Variants in FHAD1 observed in about 807,000 individuals in gnomAD.
The protein encoded by FHAD1 is forkhead-associated domain-containing protein 1.
In FHAD1, 146 loss-of-function variants were observed where a neutral mutation model predicts 191.3. The ratio of observed to expected loss-of-function variants is 0.76; its 90% CI spans 0.67 to 0.88. FHAD1 has a LOEUF of 0.88. FHAD1 is among the 40% of genes least tolerant of loss of function. The probability of loss-of-function intolerance (pLI) is 0.00; values close to 1 mark genes in which losing one functional copy is unlikely to be tolerated. For missense variants in FHAD1, 1,635 were observed against 1,785.8 expected (o/e 0.92, Z 1.52); for synonymous variants, 616 against 672.3 (o/e 0.92, Z 1.29).
chr1:15,381,975 G>C lies in FHAD1; in HGVS notation c.4023-53G>C. 1 of 1,537,364 alleles carries C rather than the reference G, an allele frequency of 6.5e-7. No homozygotes were observed. Among genetic ancestry groups the C allele is most frequent in the South Asian group, 1.2e-5 (1 of 82,816 alleles). The stretch of plus-strand genomic sequence containing the variant: ...AGACTTCCGGGTCTGGCACATTGAT[G>C]ATGATTGGGAAAGATAAGGGAAAAA... On this transcript the variant is annotated intron_variant, in intron 30 of 33. Transcript: ENST00000688493. The surrounding 1 kb of genome is among the most constrained non-coding windows in gnomAD (Gnocchi z 4.6).
chr1:15,367,331 A>G, intron 24 of FHAD1, 132 bp from the exon 25 acceptor site: 1 of 1,018,036 alleles, frequency 9.8e-7, no homozygotes, highest in Non-Finnish European at 1.4e-6. Flanking sequence ...CCCTGTCTCT[A>G]CTAAAAATAC....
chr1:15,356,986 T>C (rs953162099), intron 20 of FHAD1, among the ~76,000 whole-genome samples: 2 of 152,174 alleles, frequency 1.3e-5, no homozygotes, highest in African/African-American at 4.8e-5. Context: ...TTTCTTTTCT[T>C]CTCCCCTGGG....
intron 31 of FHAD1, 111 bp from the exon 32 acceptor site, chr1:15,387,940 C>A: frequency 2.2e-6 from 1 of 446,146 alleles, no homozygotes; most frequent in South Asian, 1.7e-5. Context: ...GCCCACCTAT[C>A]TCAGTGAGTC....
chr1:15,366,645 C>T (rs1357926874), intron 24 of FHAD1, among the ~76,000 whole-genome samples: 1 of 152,228 alleles, frequency 6.6e-6, no homozygotes, highest in Non-Finnish European at 1.5e-5. Context: ...GGGGGCCTCT[C>T]CAGGCCTTCT....
intron 2 of FHAD1, among the ~76,000 whole-genome samples, chr1:15,259,645 T>C (rs1650048741): frequency 6.6e-6 from 1 of 152,226 alleles, no homozygotes; most frequent in Non-Finnish European, 1.5e-5. Flanking sequence ...CCTGTGATCC[T>C]CATCGATGCA....
At chr1:15,328,484 C>G in intron 13 of FHAD1, 55 bp downstream of exon 13, 1 of 1,323,472 alleles carries the variant, frequency 7.6e-7, no homozygotes, top group Non-Finnish European at 9.8e-7. Flanking sequence ...TTTTGTGCGG[C>G]TTATTTGGGA....
At chr1:15,360,030 T>G (rs1461059254) in intron 21 of FHAD1, among the ~76,000 whole-genome samples, 21 of 151,900 alleles carry the variant, frequency 1.4e-4, no homozygotes, top group Non-Finnish European at 2.2e-4. Flanking sequence ...GGAGAATCGC[T>G]TGAACCCAGG....
chr1:15,243,550 T>C (rs1645649833), upstream of FHAD1, among the ~76,000 whole-genome samples: 1 of 152,166 alleles, frequency 6.6e-6, no homozygotes, highest in Non-Finnish European at 1.5e-5. Context: ...CATCACACAG[T>C]TCTCTGAGGA....
chr1:15,386,371 T>C (rs1702091852), intron 31 of FHAD1, among the ~76,000 whole-genome samples: 1 of 152,248 alleles, frequency 6.6e-6, no homozygotes, highest in Non-Finnish European at 1.5e-5. Context: ...GCAGCGCCTT[T>C]GTAAAGCTGT....
chr1:15,387,808 C>A (rs781436625), intron 31 of FHAD1, among the ~76,000 whole-genome samples: 14 of 152,182 alleles, frequency 9.2e-5, no homozygotes, highest in Non-Finnish European at 1.5e-4. Flanking sequence ...CCGCTTGAGC[C>A]TGAGAGGTCG....
chr1:15,267,994 T>A (rs986294395), intron 2 of FHAD1, among the ~76,000 whole-genome samples: 4 of 150,586 alleles, frequency 2.7e-5, no homozygotes, highest in Non-Finnish European at 4.4e-5. Context: ...TTTCTTTTTT[T>A]AATTTTATTA....
intron 2 of FHAD1, among the ~76,000 whole-genome samples, chr1:15,259,106 T>C (rs1032759461): frequency 8.5e-5 from 13 of 152,180 alleles, no homozygotes; most frequent in Non-Finnish European, 1.3e-4. Flanking sequence ...TGGTTGTTTT[T>C]ACAGTAGCCA....
At chr1:15,362,508 C>A in intron 22 of FHAD1, 134 bp from the exon 23 acceptor site, 1 of 692,780 alleles carries the variant, frequency 1.4e-6, no homozygotes, top group South Asian at 1.7e-5. Flanking sequence ...ACATGGCACA[C>A]GTGCAGGTCT....
At chr1:15,290,143 C>T (rs547960574) in intron 4 of FHAD1, among the ~76,000 whole-genome samples, 5 of 152,302 alleles carry the variant, frequency 3.3e-5, no homozygotes, top group East Asian at 1.9e-4. Flanking sequence ...TATTCAGTCC[C>T]GTCTAATCTA....
At chr1:15,285,229 A>G (rs1573972907) in intron 3 of FHAD1, among the ~76,000 whole-genome samples, 1 of 152,204 alleles carries the variant, frequency 6.6e-6, no homozygotes, top group South Asian at 2.1e-4. Context: ...CTAAATCAAC[A>G]TGCTTTCAAA....
chr1:15,396,859 A>T (rs1706147831), intron 33 of FHAD1, among the ~76,000 whole-genome samples: 1 of 151,860 alleles, frequency 6.6e-6, no homozygotes, highest in African/African-American at 2.4e-5. Context: ...AATAAAATAC[A>T]TGGGAAGTGT....
intron 2 of FHAD1, among the ~76,000 whole-genome samples, chr1:15,271,579 A>G (rs1450714737): frequency 2.0e-5 from 3 of 152,250 alleles, no homozygotes; most frequent in African/African-American, 7.2e-5. Context: ...GTGGTTAGGC[A>G]AATCCTGAAT....
chr1:15,292,988 A>C (rs946376635), intron 4 of FHAD1, among the ~76,000 whole-genome samples: 2 of 152,190 alleles, frequency 1.3e-5, no homozygotes, highest in Non-Finnish European at 2.9e-5. Flanking sequence ...TGAGCCCCCT[A>C]GTCTGTGGTA....
Position 15,341,744 on chromosome 1 carries a change from C to A in FHAD1, c.1986C>A (p.Phe662Leu). 1 of 1,550,214 alleles carries A rather than the reference C, an allele frequency of 6.5e-7. No homozygotes were observed. The highest frequency in any genetic ancestry group is 1.2e-5 in the South Asian group (1 of 83,692). ...MSQAQELQIK[F>L]NSSQETQQSL... ...CTTTTCTCACATTTCAGATCAAGTT[C>A]AACAGTTCTCAGGAAACTCAGCAGT... is the stretch of plus-strand genomic sequence containing the variant. The change falls in exon 16 of 34, where the codon TTC (phenylalanine) becomes TTA (leucine). Residue 662 changes from phenylalanine (F) to leucine (L), a missense_variant. Phe to Leu is a conservative substitution (Grantham distance 22). Transcript: ENST00000688493.
Sources: allele counts gnomAD v4.1 joint callset (sites outside exome capture counted in the v4.1 genomes callset), GRCh38; gene constraint gnomAD v4.1.1; non-coding constraint Gnocchi (gnomAD v3.1); transcripts MANE v1.5; gene names NCBI Gene and HGNC (gene_info 2026-07-23, HGNC 2026-07-21).